The following MED27 variants were observed in gnomAD, a reference collection of about 807,000 sequenced individuals.
The protein encoded by MED27 is mediator of RNA polymerase II transcription subunit 27.
MED27 carries 30 observed loss-of-function variants against 38.2 expected under a neutral mutation model. The observed-to-expected ratio is 0.79, with a 90% confidence interval of 0.59 to 1.07. MED27 has a LOEUF of 1.07. MED27 is among the 50% of genes least tolerant of loss of function. MED27 has a pLI of 0.00. For synonymous variants in MED27, 122 were observed against 153.5 expected, an observed-to-expected ratio of 0.79 and a Z score of 1.52; for missense variants, 289 against 397.5, an observed-to-expected ratio of 0.73 and a Z score of 2.32.
At chr9:131,975,214 A>G (rs1831577683) in intron 3 of MED27, among the ~76,000 whole-genome samples, 1 of 152,228 alleles carries the variant, frequency 6.6e-6, no homozygotes, top group South Asian at 2.1e-4. Flanking sequence ...TGTATCTCCA[A>G]TTTTATAATC....
chr9:132,021,639 C>A (rs1489906221), intron 2 of MED27, among the ~76,000 whole-genome samples: 1 of 152,166 alleles, frequency 6.6e-6, no homozygotes, highest in Non-Finnish European at 1.5e-5. Context: ...TGGAGAGTCA[C>A]CTGGTGTCAG....
intron 2 of MED27, among the ~76,000 whole-genome samples, chr9:132,045,638 C>T (rs901049437): frequency 7.2e-5 from 11 of 152,168 alleles, no homozygotes; most frequent in Non-Finnish European, 1.6e-4. Context: ...AGATATAATT[C>T]CAAAGGAACT....
intron 6 of MED27, among the ~76,000 whole-genome samples, chr9:131,877,562 T>C (rs544122984): frequency 2.6e-5 from 4 of 151,866 alleles, no homozygotes; most frequent in African/African-American, 9.7e-5. Flanking sequence ...GGCGACAGAG[T>C]GGGACCCCGT....
At chr9:131,877,012 G>A (rs1040668750) in intron 6 of MED27, among the ~76,000 whole-genome samples, 2 of 152,174 alleles carry the variant, frequency 1.3e-5, no homozygotes, top group African/African-American at 4.8e-5. Context: ...GAGGCGGGGA[G>A]ATGGTCAGAG....
chr9:131,975,183 G>A (rs1831576904), intron 3 of MED27, among the ~76,000 whole-genome samples: 1 of 152,114 alleles, frequency 6.6e-6, no homozygotes, highest in South Asian at 2.1e-4. Context: ...ACATCTTAGA[G>A]CCAGTCTTTT....
At chr9:131,991,707 C>G (rs1318146027) in intron 3 of MED27, among the ~76,000 whole-genome samples, 1 of 152,056 alleles carries the variant, frequency 6.6e-6, no homozygotes, top group Non-Finnish European at 1.5e-5. Flanking sequence ...AGATATCAAT[C>G]ATTTATTTAT....
chr9:132,050,098 G>A (rs948044626), intron 2 of MED27, among the ~76,000 whole-genome samples: 3 of 152,070 alleles, frequency 2.0e-5, no homozygotes, highest in African/African-American at 7.2e-5. Flanking sequence ...CGAACAATCC[G>A]TCACCAAAAA....
chr9:132,039,545 A>T (rs1305117101), intron 2 of MED27, among the ~76,000 whole-genome samples: 1 of 152,180 alleles, frequency 6.6e-6, no homozygotes, highest in Admixed American at 6.5e-5. Context: ...ACTGAGCGAA[A>T]AGAAGGTTGG....
rs778502278 is a variant in MED27 at position 132,079,860 on chromosome 9, G to A, written c.-16C>T. 1 of 1,566,250 alleles carries A rather than the reference G, an allele frequency of 6.4e-7. No homozygotes were observed. Among genetic ancestry groups the A allele is most frequent in the East Asian group, 2.4e-5 (1 of 42,238 alleles). On this transcript the variant is annotated 5_prime_UTR_variant, in exon 1 of 8. Transcript: ENST00000292035. ...CGTCCGCCATGTTGCCGCCGCCACA[G>A]CAGCTCTCCAAAGCCGGCTTCGCAA...
At chr9:132,034,523 A>G (rs904567172) in intron 2 of MED27, among the ~76,000 whole-genome samples, 4 of 152,254 alleles carry the variant, frequency 2.6e-5, no homozygotes, top group African/African-American at 9.6e-5. Flanking sequence ...AGATGTCTGC[A>G]GAAGAATCAC....
intron 3 of MED27, among the ~76,000 whole-genome samples, chr9:132,007,579 TGGA>T (rs1177338532): frequency 6.6e-6 from 1 of 151,910 alleles, no homozygotes; most frequent in African/African-American, 2.4e-5. Flanking sequence ...ATCCACCCTT[TGGA>T]GGAGTTTTGC....
intron 2 of MED27, among the ~76,000 whole-genome samples, chr9:132,050,667 C>A (rs1345900232): frequency 6.6e-6 from 1 of 152,206 alleles, no homozygotes; most frequent in Non-Finnish European, 1.5e-5. Flanking sequence ...CTTGCAGTTT[C>A]CTCTGCTGGA....
intron 3 of MED27, among the ~76,000 whole-genome samples, chr9:131,956,330 A>G (rs568399544): frequency 2.6e-5 from 4 of 152,332 alleles, no homozygotes; most frequent in African/African-American, 9.6e-5. Context: ...AGAGTTCTGA[A>G]GATGAATGGC....
rs2131545955 is a variant in MED27, at chr9:131,917,023, G to A, written c.573+22358C>T. 6.6e-6 allele frequency among the ~76,000 whole-genome samples: 1 copy of A among 152,322 alleles called. No individual in the cohort carries two copies. The highest frequency in any genetic ancestry group is 2.1e-4 in the South Asian group (1 of 4,830). ...CGTTTTGCCAGAAGGGGCAGCAGGT[G>A]GAGAAGGGTGCCATAGGCAGAAATG... On this transcript the variant is annotated intron_variant, in intron 4 of 7. Transcript: ENST00000292035. This position sits in a 1 kb window ranked among gnomAD's most constrained non-coding sequence, Gnocchi z 4.6.
In MED27 at chr9:132,051,379, G is replaced by A. The variant is rs1833461805; in HGVS notation, c.348+26063C>T. 6.6e-6 allele frequency among the ~76,000 whole-genome samples: 1 copy of A among 152,156 alleles called. No homozygotes were observed. The highest frequency in any genetic ancestry group is 6.5e-5 in the Admixed American group (1 of 15,280). On this transcript the variant is annotated intron_variant, in intron 2 of 7. Coordinates refer to ENST00000292035, the MANE Select transcript of MED27 (RefSeq NM_004269.4). The surrounding 1 kb of genome is among the most constrained non-coding windows in gnomAD (Gnocchi z 4.2). The stretch of plus-strand genomic sequence containing the variant: ...TTTGTTCTGAAGTCTAACTACGTTG[G>A]GGAAAAAAGAGGGCTTGTCTTGGCC...
intron 3 of MED27, among the ~76,000 whole-genome samples, chr9:131,996,451 A>C (rs946666645): frequency 1.3e-5 from 2 of 152,150 alleles, no homozygotes; most frequent in African/African-American, 2.4e-5. Flanking sequence ...AACGAGACTA[A>C]CTGCAGAGGT....
At chr9:131,870,906 T>G (rs1405708187) in intron 6 of MED27, among the ~76,000 whole-genome samples, 1 of 152,054 alleles carries the variant, frequency 6.6e-6, no homozygotes, top group Non-Finnish European at 1.5e-5. Context: ...CAAGAAGACC[T>G]CCAGATTGAA....
At chr9:131,992,889 A>C (rs1020605344) in intron 3 of MED27, among the ~76,000 whole-genome samples, 3 of 152,180 alleles carry the variant, frequency 2.0e-5, no homozygotes, top group East Asian at 1.9e-4. Context: ...AGCAGCTAGC[A>C]CTTACTGAGT....
intron 3 of MED27, among the ~76,000 whole-genome samples, chr9:132,006,728 G>C (rs188944924): frequency 6.6e-6 from 1 of 152,044 alleles, no homozygotes; most frequent in Admixed American, 6.6e-5. Context: ...AGGAAGCTAC[G>C]AGAAGAGACT....
Sources: allele counts gnomAD v4.1 joint callset (sites outside exome capture counted in the v4.1 genomes callset), GRCh38; gene constraint gnomAD v4.1.1; non-coding constraint Gnocchi (gnomAD v3.1); transcripts MANE v1.5; gene names NCBI Gene and HGNC (gene_info 2026-07-23, HGNC 2026-07-21).